Variants in SLC2A9 observed in about 807,000 individuals in gnomAD.
SLC2A9 encodes the protein solute carrier family 2 member 9.
SLC2A9 carries 39 observed loss-of-function variants against 50.6 expected under a neutral mutation model. The observed-to-expected ratio is 0.77, with a 90% CI of 0.60 to 1.01. The LOEUF (loss-of-function observed/expected upper bound fraction) is 1.01, where lower values mean the gene tolerates loss of function less well. SLC2A9 is among the 50% of genes least tolerant of loss of function. The pLI is 0.00. For missense variants in SLC2A9, 686 were observed against 677.6 expected, an observed-to-expected ratio of 1.01 and a Z score of -0.14; for synonymous variants, 324 against 276.9, an observed-to-expected ratio of 1.17 and a Z score of -1.69.
intron 7 of SLC2A9, 56 bp from the exon 8 acceptor site, chr4:9,908,401 T>C: frequency 7.7e-7 from 1 of 1,299,116 alleles, no homozygotes; most frequent in Non-Finnish European, 1.1e-6. Flanking sequence ...ACTTAATCTA[T>C]TTTCTAAATC....
chr4:9,916,132 G>A (rs1426904408), intron 7 of SLC2A9, among the ~76,000 whole-genome samples: 1 of 152,120 alleles, frequency 6.6e-6, no homozygotes, highest in African/African-American at 2.4e-5. Context: ...ACTCTCTTAG[G>A]CACTAAGGTG....
chr4:9,955,049 C>T (rs557000129), intron 5 of SLC2A9, among the ~76,000 whole-genome samples: 30 of 152,262 alleles, frequency 2.0e-4, no homozygotes, highest in African/African-American at 6.7e-4. Flanking sequence ...GAGGGAAAAA[C>T]GCCTCAAGTC....
intron 6 of SLC2A9, chr4:9,924,115 T>C (rs1233116875): frequency 6.6e-6 from 1 of 152,096 alleles, no homozygotes; most frequent in Non-Finnish European, 1.5e-5. Context: ...CATATGGTGA[T>C]TAAAAAAAGA....
intron 7 of SLC2A9, among the ~76,000 whole-genome samples, 172 bp downstream of exon 7, chr4:9,920,213 C>T (rs983175669): frequency 1.3e-5 from 2 of 152,206 alleles, no homozygotes; most frequent in Non-Finnish European, 2.9e-5. Flanking sequence ...TCCCATTTTA[C>T]AGATGAGGAA....
intron 10 of SLC2A9, among the ~76,000 whole-genome samples, chr4:9,878,276 A>C (rs1734612876): frequency 6.6e-6 from 1 of 151,950 alleles, no homozygotes; most frequent in African/African-American, 2.4e-5. Flanking sequence ...ATGAACCCCT[A>C]ATGTGGTGAC....
chr4:9,772,565 G>A (rs189752900), intron 1 of SLC2A9, among the ~76,000 whole-genome samples: 11 of 152,280 alleles, frequency 7.2e-5, no homozygotes, highest in South Asian at 4.2e-4. Flanking sequence ...GGGAACCACC[G>A]GCCTCTGAAT....
chr4:9,937,242 G>A (rs543083532), intron 6 of SLC2A9, among the ~76,000 whole-genome samples: 75 of 152,290 alleles, frequency 4.9e-4, no homozygotes, highest in South Asian at 1.2e-3. Flanking sequence ...TTCTAGGAAC[G>A]ACTTCGTGCT....
chr4:9,855,332 C>T (rs1478998730), intron 10 of SLC2A9, among the ~76,000 whole-genome samples: 1 of 152,074 alleles, frequency 6.6e-6, no homozygotes, highest in Non-Finnish European at 1.5e-5. Flanking sequence ...AAGCTGAGCA[C>T]AAGATCAAGA....
intron 10 of SLC2A9, among the ~76,000 whole-genome samples, chr4:9,869,211 G>C (rs143661944): frequency 6.6e-6 from 1 of 152,082 alleles, no homozygotes; most frequent in Non-Finnish European, 1.5e-5. Context: ...TGGATGGAAC[G>C]GGGGAGTGGT....
In SLC2A9 at chr4:9,980,723, C is replaced by G; in HGVS notation, c.550G>C (p.Val184Leu). 4 of 1,614,190 alleles carry G rather than the reference C, an allele frequency of 2.5e-6. No homozygotes were observed. Among genetic ancestry groups the G allele is most frequent in the Non-Finnish European group, 3.4e-6 (4 of 1,180,020 alleles). ...ATCTCACTAAGGTACATGGGGAGCACACTGAGGGCGACGCCTGTAGAGAGA... is the reference window on the plus strand; with the variant it reads ...ATCTCACTAAGGTACATGGGGAGCAGACTGAGGGCGACGCCTGTAGAGAGA... Reference protein sequence around the residue: ...MGIDGGVALSVLPMYLSEISP... With the variant: ...MGIDGGVALSLLPMYLSEISP... The change falls in exon 5 of 12, where the codon GTG (valine) becomes CTG (leucine). Residue 184 changes from valine to leucine, a missense_variant. Val to Leu is a conservative substitution (Grantham distance 32). Coordinates refer to ENST00000264784, the MANE Select transcript of SLC2A9 (RefSeq NM_020041.3).
chr4:9,863,859 C>T (rs1193180219), intron 10 of SLC2A9, among the ~76,000 whole-genome samples: 1 of 152,100 alleles, frequency 6.6e-6, no homozygotes. Context: ...TCCAAGAAGT[C>T]GAGTTGATGT....
intron 3 of SLC2A9, among the ~76,000 whole-genome samples, chr4:9,813,643 A>T (rs1723168103): frequency 1.3e-5 from 2 of 152,240 alleles, no homozygotes; most frequent in South Asian, 4.1e-4. Context: ...ATCATGGGAG[A>T]TGTGCAAGTG....
intron 10 of SLC2A9, among the ~76,000 whole-genome samples, chr4:9,877,572 G>A (rs941539458): frequency 7.9e-5 from 12 of 152,240 alleles, no homozygotes; most frequent in African/African-American, 1.4e-4. Context: ...TCCCTCTCCT[G>A]CCTCCTGTAA....
At chr4:9,984,405 T>C (rs1267940749) in intron 4 of SLC2A9, among the ~76,000 whole-genome samples, 3 of 152,074 alleles carry the variant, frequency 2.0e-5, no homozygotes, top group Admixed American at 6.6e-5. Context: ...AGTACATATG[T>C]GTATATGTGT....
chr4:9,806,093 C>T (rs1325497686), intron 3 of SLC2A9, among the ~76,000 whole-genome samples: 1 of 152,202 alleles, frequency 6.6e-6, no homozygotes, highest in African/African-American at 2.4e-5. Flanking sequence ...GCAGTCAACA[C>T]TCAGTAAATT....
chr4:9,777,283 C>A (rs1479328846), downstream of SLC2A9, among the ~76,000 whole-genome samples: 2 of 143,444 alleles, frequency 1.4e-5, no homozygotes, highest in Admixed American at 7.1e-5. Flanking sequence ...GCTCCCTTGC[C>A]CCCGTCTCTG....
chr4:9,808,183 T>C (rs1248878811), intron 3 of SLC2A9, among the ~76,000 whole-genome samples: 1 of 152,224 alleles, frequency 6.6e-6, no homozygotes, highest in Non-Finnish European at 1.5e-5. Flanking sequence ...ATTCTTTTTC[T>C]AGCAGCTGTG....
chr4:9,808,975 T>G (rs1677809934), intron 3 of SLC2A9, among the ~76,000 whole-genome samples: 2 of 152,186 alleles, frequency 1.3e-5, no homozygotes, highest in South Asian at 2.1e-4. Flanking sequence ...GCTGCAGCCC[T>G]GGAAATGGGC....
chr4:9,917,627 A>G (rs1013724660), intron 7 of SLC2A9, among the ~76,000 whole-genome samples: 4 of 152,130 alleles, frequency 2.6e-5, no homozygotes, highest in Non-Finnish European at 5.9e-5. Flanking sequence ...CACTGCACCC[A>G]GCAAAATTTT....
Sources: gnomAD v4.1 joint callset for allele counts (sites outside exome capture counted in the v4.1 genomes callset) on GRCh38, gnomAD v4.1.1 for gene constraint, MANE v1.5 for transcripts, NCBI Gene and HGNC (gene_info 2026-07-23, HGNC 2026-07-21) for gene names.